Variants in FLT3 observed in about 807,000 individuals in gnomAD.
FLT3 encodes receptor-type tyrosine-protein kinase FLT3.
A neutral mutation model predicts 126.6 loss-of-function variants in FLT3; 46 were observed. That is an observed-to-expected ratio of 0.36 (90% CI 0.29 to 0.46). FLT3 has a LOEUF of 0.46. FLT3 is among the 20% of genes least tolerant of loss of function. The probability of loss-of-function intolerance (pLI) is 1.00; values close to 1 mark genes in which losing one functional copy is unlikely to be tolerated. For missense variants in FLT3, 1,069 were observed against 1,190.3 expected (o/e 0.90, Z 1.50); for synonymous variants, 404 against 434.4 (o/e 0.93, Z 0.87).
At chr13:28,098,505 C>T (rs1336065691) in intron 1 of FLT3, among the ~76,000 whole-genome samples, 2 of 152,080 alleles carry the variant, frequency 1.3e-5, no homozygotes, top group Non-Finnish European at 2.9e-5. Flanking sequence ...CTGGAACTGC[C>T]ATACACTGCT....
At chr13:28,080,269 A>T (rs1347758199) in intron 1 of FLT3, among the ~76,000 whole-genome samples, 2 of 152,330 alleles carry the variant, frequency 1.3e-5, no homozygotes, top group East Asian at 3.9e-4. Context: ...CCAGCTACTC[A>T]GGAGGCTGAG....
intron 3 of FLT3, among the ~76,000 whole-genome samples, chr13:28,059,237 G>A (rs1228950211): frequency 6.6e-6 from 1 of 152,126 alleles, no homozygotes; most frequent in Non-Finnish European, 1.5e-5. Context: ...CTATCAAGGG[G>A]CCCGATACCC....
intron 1 of FLT3, among the ~76,000 whole-genome samples, chr13:28,082,075 C>T (rs1325197293): frequency 1.3e-5 from 2 of 151,692 alleles, no homozygotes; most frequent in Non-Finnish European, 2.9e-5. Context: ...AGGTTGGTCT[C>T]GAATTCCTGA....
chr13:28,070,442 C>T (rs762269059), intron 2 of FLT3, 49 bp downstream of exon 2: 13 of 1,532,432 alleles, frequency 8.5e-6, no homozygotes, highest in African/African-American at 2.7e-5. Flanking sequence ...TTACAAATTA[C>T]GTTCTCTAGA....
At chr13:28,015,318 T>A in intron 21 of FLT3, 62 bp from the exon 22 acceptor site, 1 of 1,114,312 alleles carries the variant, frequency 9.0e-7, no homozygotes, top group Non-Finnish European at 1.4e-6. Context: ...TATTGATTCA[T>A]TCAATTAAAC....
intron 8 of FLT3, 54 bp from the exon 9 acceptor site, chr13:28,048,497 G>T: frequency 8.6e-7 from 1 of 1,164,024 alleles, no homozygotes; most frequent in Non-Finnish European, 1.3e-6. Flanking sequence ...ATAGGGAAAC[G>T]TATTGAGAAG....
At chr13:28,055,164 A>T (rs765815893) in intron 4 of FLT3, among the ~76,000 whole-genome samples, 1 of 152,188 alleles carries the variant, frequency 6.6e-6, no homozygotes, top group Non-Finnish European at 1.5e-5. Context: ...AAAATCTTTC[A>T]AATATTTAAA....
At chr13:28,078,591 A>T (rs908806310) in intron 1 of FLT3, among the ~76,000 whole-genome samples, 6 of 152,212 alleles carry the variant, frequency 3.9e-5, no homozygotes, top group African/African-American at 1.2e-4. Context: ...GCTGCTGTGA[A>T]GGTCTCCAAC....
intron 1 of FLT3, among the ~76,000 whole-genome samples, chr13:28,073,032 A>G (rs1877663041): frequency 6.7e-6 from 1 of 149,796 alleles, no homozygotes; most frequent in Non-Finnish European, 1.5e-5. Flanking sequence ...AACAACAAAT[A>G]TGCTTATCTC....
chr13:28,076,028 T>C (rs11839568), intron 1 of FLT3, among the ~76,000 whole-genome samples: 107,226 of 151,920 alleles, frequency 0.71, 39,760 homozygotes, highest in East Asian at 0.95. Context: ...AACTCCTGAC[T>C]TCAAGTGATC....
intron 3 of FLT3, among the ~76,000 whole-genome samples, chr13:28,058,882 T>A (rs899689505): frequency 6.6e-6 from 1 of 152,214 alleles, no homozygotes; most frequent in Non-Finnish European, 1.5e-5. Context: ...AGCCACCACG[T>A]CTGCAGTCGC....
At chr13:28,053,584 G>A (rs894903434) in intron 4 of FLT3, among the ~76,000 whole-genome samples, 2 of 151,830 alleles carry the variant, frequency 1.3e-5, no homozygotes, top group East Asian at 1.9e-4. Flanking sequence ...TTGATTATTC[G>A]AGGACTCTTC....
intron 9 of FLT3, among the ~76,000 whole-genome samples, chr13:28,044,006 A>C (rs1204822248): frequency 6.6e-6 from 1 of 151,376 alleles, no homozygotes; most frequent in Non-Finnish European, 1.5e-5. Context: ...GCTACTCGAG[A>C]GGCTGAGGCA....
chr13:28,095,376 A>T (rs1879387679), intron 1 of FLT3, among the ~76,000 whole-genome samples: 1 of 152,100 alleles, frequency 6.6e-6, no homozygotes, highest in East Asian at 1.9e-4. Flanking sequence ...CCCAGGTTCA[A>T]GTGATTCTCC....
intron 1 of FLT3, among the ~76,000 whole-genome samples, chr13:28,098,099 A>G (rs4489853): frequency 0.19 from 28,707 of 151,760 alleles, 2,748 homozygotes; most frequent in Middle Eastern, 0.27. Context: ...TGGATCGCCT[A>G]AGGTCAGGAG....
rs753528763 is a variant in FLT3, at chr13:28,048,348, G to T, written c.1132C>A (p.Gln378Lys). The T allele has an allele frequency of 1.2e-6, 2 of 1,613,756 alleles. No homozygotes were observed. The highest frequency in any genetic ancestry group is 3.3e-5 in the Admixed American group (2 of 60,014). ...GAGAAGGTCCACGTACATCTGATTT[G>T]TGGGTAGGCTTTAAACCTGACAGAA... ...CFSVRFKAYPQIRCTWTFSRK... is the reference protein window; with the variant it reads ...CFSVRFKAYPKIRCTWTFSRK... Residue 378 changes from glutamine to lysine, a missense_variant, in exon 9 of 24, where the codon CAA becomes AAA. By Grantham distance (53) the Gln-to-Lys change is moderately conservative (BLOSUM62 1). Coordinates refer to ENST00000241453, the MANE Select transcript of FLT3 (RefSeq NM_004119.3).
chr13:28,020,363 T>C (rs1433754446), intron 19 of FLT3, among the ~76,000 whole-genome samples: 1 of 152,216 alleles, frequency 6.6e-6, no homozygotes, highest in Non-Finnish European at 1.5e-5. Context: ...TTTATTTTTA[T>C]TTTTTGAGAA....
Position 28,069,149 on chromosome 13 carries a change from G to T in FLT3, c.165+1342C>A, listed in dbSNP as rs562046949. ...TGAAGGATGTGCCTGCTTCAGGGAG[G>T]CTAGCCCAGCAGCTACCTCTGAGAT... On this transcript the variant is annotated intron_variant, in intron 2 of 23. Transcript: ENST00000241453. Among the ~76,000 whole-genome samples, 6 of 152,222 alleles carry T rather than the reference G, an allele frequency of 3.9e-5. No individual in the cohort carries two copies. The South Asian group carries it at 1.0e-3, about 26-fold the overall frequency.
chr13:28,004,497 A>C (rs565269091), intron 23 of FLT3, among the ~76,000 whole-genome samples: 1 of 152,126 alleles, frequency 6.6e-6, no homozygotes, highest in South Asian at 2.1e-4. Flanking sequence ...GTAAAGACAA[A>C]GTCTCACTAT....
Sources: gnomAD v4.1 joint callset for allele counts (sites outside exome capture counted in the v4.1 genomes callset) on GRCh38, gnomAD v4.1.1 for gene constraint, MANE v1.5 for transcripts, NCBI Gene and HGNC (gene_info 2026-07-23, HGNC 2026-07-21) for gene names.